Variants in GPC5 observed in about 807,000 individuals in gnomAD.
The protein encoded by GPC5 is glypican 5.
A neutral mutation model predicts 53.9 loss-of-function variants in GPC5; 47 were observed. That is an observed-to-expected ratio of 0.87 (90% CI 0.69 to 1.11). The LOEUF is 1.11. Ranked by LOEUF, GPC5 falls within the 50% of genes most tolerant of loss-of-function variation. GPC5 has a pLI of 0.00. For missense variants in GPC5, 748 were observed against 713.1 expected, an observed-to-expected ratio of 1.05 and a Z score of -0.56; for synonymous variants, 286 against 263.3, an observed-to-expected ratio of 1.09 and a Z score of -0.84.
chr13:91,804,606 A>G (rs1172739086), intron 5 of GPC5, among the ~76,000 whole-genome samples: 2 of 152,138 alleles, frequency 1.3e-5, no homozygotes, highest in African/African-American at 4.8e-5. Context: ...AGGGAGAGAG[A>G]GATGAATTAT....
intron 6 of GPC5, among the ~76,000 whole-genome samples, chr13:91,955,851 T>A (rs2040068220): frequency 6.6e-6 from 1 of 152,192 alleles, no homozygotes; most frequent in Non-Finnish European, 1.5e-5. Flanking sequence ...TGGAGCCCCA[T>A]TGATATCACC....
chr13:92,405,332 G>C (rs1875746768), intron 7 of GPC5, among the ~76,000 whole-genome samples: 2 of 152,140 alleles, frequency 1.3e-5, no homozygotes, highest in Non-Finnish European at 2.9e-5. Context: ...GGAAACTAGA[G>C]TACATGTAGA....
intron 2 of GPC5, among the ~76,000 whole-genome samples, chr13:91,579,739 CT>C (rs1001500483): frequency 6.8e-6 from 1 of 147,790 alleles, no homozygotes; most frequent in Non-Finnish European, 1.5e-5. Context: ...AGAAATTCTC[CT>C]GCCTCAGCCT....
intron 7 of GPC5, among the ~76,000 whole-genome samples, chr13:92,462,329 G>C (rs1271511519): frequency 6.6e-6 from 1 of 152,130 alleles, no homozygotes; most frequent in Admixed American, 6.6e-5. Context: ...AATACCAGCA[G>C]AGGCGGTGAA....
rs191370464 is a variant in GPC5, at chr13:91,905,735, A to C, written c.1281-2202A>C. ...TCAAAGATTTTTCAATTTCTGTAAA[A>C]ATTCAGAGGGTGTTTATGGATAGTG... On this transcript the variant is annotated intron_variant, in intron 5 of 7. Coordinates refer to ENST00000377067, the MANE Select transcript of GPC5 (RefSeq NM_004466.6). Among the ~76,000 whole-genome samples the C allele has an allele frequency of 3.4e-3, 512 of 152,234 alleles. 2 individuals are homozygous for C. Among genetic ancestry groups the C allele is most frequent in the African/African-American group, 0.012 (496 of 41,558 alleles).
chr13:91,808,753 G>GGACACGGC (rs2038263291), intron 5 of GPC5, among the ~76,000 whole-genome samples: 2 of 152,248 alleles, frequency 1.3e-5, no homozygotes, highest in Admixed American at 1.3e-4. Context: ...GACACGGCTT[G>GGACACGGC]TCATTGGAGG....
intron 2 of GPC5, among the ~76,000 whole-genome samples, chr13:91,547,948 G>T (rs2030391570): frequency 6.6e-6 from 1 of 151,994 alleles, no homozygotes; most frequent in Non-Finnish European, 1.5e-5. Flanking sequence ...AATAAATTAG[G>T]AATAGAGAGG....
At chr13:91,667,094 A>G (rs2035132812) in intron 2 of GPC5, among the ~76,000 whole-genome samples, 1 of 152,170 alleles carries the variant, frequency 6.6e-6, no homozygotes. Flanking sequence ...GCTGACTTAG[A>G]GTTTTGATAA....
intron 5 of GPC5, among the ~76,000 whole-genome samples, chr13:91,793,550 A>T (rs1183435067): frequency 6.6e-6 from 1 of 152,210 alleles, no homozygotes; most frequent in Non-Finnish European, 1.5e-5. Context: ...TCTGTTCTAG[A>T]AAAGCATAGC....
chr13:92,405,033 C>G (rs1160866657), intron 7 of GPC5, among the ~76,000 whole-genome samples: 1 of 150,308 alleles, frequency 6.7e-6, no homozygotes, highest in African/African-American at 2.5e-5. Flanking sequence ...AAAAATATCA[C>G]TACACTTCTA....
intron 7 of GPC5, among the ~76,000 whole-genome samples, chr13:92,217,159 G>A (rs2042416652): frequency 6.6e-6 from 1 of 152,120 alleles, no homozygotes; most frequent in African/African-American, 2.4e-5. Flanking sequence ...GGCATGAACA[G>A]TGCATTCGCA....
intron 7 of GPC5, among the ~76,000 whole-genome samples, chr13:92,705,125 A>G (rs1202799296): frequency 6.6e-6 from 1 of 152,020 alleles, no homozygotes; most frequent in African/African-American, 2.4e-5. Flanking sequence ...TAAGTGACAT[A>G]TCTCTAGTGG....
intron 3 of GPC5, among the ~76,000 whole-genome samples, chr13:91,716,659 G>A (rs950385951): frequency 6.6e-6 from 1 of 152,116 alleles, no homozygotes; most frequent in African/African-American, 2.4e-5. Context: ...CCAGTCAGCA[G>A]TCTGTTTTAA....
At chr13:91,617,450 G>T (rs937803820) in intron 2 of GPC5, among the ~76,000 whole-genome samples, 1 of 152,222 alleles carries the variant, frequency 6.6e-6, no homozygotes, top group East Asian at 1.9e-4. Context: ...GTTAAGCAAC[G>T]GAAGGACATT....
rs531801503 is a variant in GPC5 at position 91,690,834 on chromosome 13, A to G, written c.326-2353A>G. On this transcript the variant is annotated intron_variant, in intron 2 of 7. Coordinates refer to ENST00000377067, the MANE Select transcript of GPC5 (RefSeq NM_004466.6). ...AATTGTCAGTCACATGAACACATAT[A>G]GCACATATCTTAGAAACCTGGGTGG... Among the ~76,000 whole-genome samples the G allele has an allele frequency of 2.6e-5, 4 of 152,332 alleles. No homozygotes were observed. In the South Asian group the frequency reaches 8.3e-4, roughly 32 times the overall value.
intron 5 of GPC5, among the ~76,000 whole-genome samples, chr13:91,874,235 C>T (rs147474540): frequency 5.9e-5 from 9 of 152,138 alleles, no homozygotes; most frequent in African/African-American, 9.6e-5. Flanking sequence ...CTTGTGTGGA[C>T]GATTAATTTT....
chr13:91,655,299 G>A (rs923338326), intron 2 of GPC5, among the ~76,000 whole-genome samples: 2 of 152,098 alleles, frequency 1.3e-5, no homozygotes, highest in Non-Finnish European at 2.9e-5. Flanking sequence ...GTGTGTTTGT[G>A]TGTGTGTACA....
intron 4 of GPC5, among the ~76,000 whole-genome samples, chr13:91,745,336 CAT>C (rs1252660352): frequency 6.6e-6 from 1 of 152,002 alleles, no homozygotes; most frequent in Non-Finnish European, 1.5e-5. Context: ...ATCCTAATTG[CAT>C]AGATGGCTAT....
At chr13:92,809,652 T>G (rs1445586425) in intron 7 of GPC5, among the ~76,000 whole-genome samples, 2 of 152,162 alleles carry the variant, frequency 1.3e-5, no homozygotes, top group Non-Finnish European at 2.9e-5. Context: ...ATCTAAAATA[T>G]TTTAAGGTTA....
Sources: allele counts gnomAD v4.1 joint callset (sites outside exome capture counted in the v4.1 genomes callset), GRCh38; gene constraint gnomAD v4.1.1; transcripts MANE v1.5; gene names NCBI Gene and HGNC (gene_info 2026-07-23, HGNC 2026-07-21).